The following PDE11A variants were observed in gnomAD, a reference collection of about 807,000 sequenced individuals.
The protein encoded by PDE11A is dual 3',5'-cyclic-AMP and -GMP phosphodiesterase 11A.
Under a neutral mutation model 100.5 loss-of-function variants are expected in PDE11A, and 100 were observed. The observed-to-expected ratio is 1.00, with a 90% CI of 0.85 to 1.18. The LOEUF (loss-of-function observed/expected upper bound fraction) is 1.18. PDE11A is among the 50% of genes most tolerant of loss of function. PDE11A has a pLI of 0.00. For missense variants in PDE11A, 1,141 were observed against 1,152.6 expected, an observed-to-expected ratio of 0.99 and a Z score of 0.15; for synonymous variants, 381 against 420.8, an observed-to-expected ratio of 0.91 and a Z score of 1.16.
intron 5 of PDE11A, among the ~76,000 whole-genome samples, chr2:177,857,555 A>C (rs1328693010): frequency 6.6e-6 from 1 of 152,072 alleles, no homozygotes; most frequent in African/African-American, 2.4e-5. Flanking sequence ...GTAGGGAACA[A>C]AGCTATATGG....
intron 9 of PDE11A, among the ~76,000 whole-genome samples, chr2:177,803,293 T>TA (rs1478271740): frequency 2.7e-5 from 4 of 150,392 alleles, no homozygotes; most frequent in African/African-American, 4.9e-5. Flanking sequence ...ATGTCACTTA[T>TA]AAAAAAAATC....
At chr2:177,777,650 T>A (rs2082396663) in intron 9 of PDE11A, among the ~76,000 whole-genome samples, 1 of 152,216 alleles carries the variant, frequency 6.6e-6, no homozygotes, top group African/African-American at 2.4e-5. Context: ...AAAAATGCTT[T>A]AATTGAATGC....
intron 2 of PDE11A, among the ~76,000 whole-genome samples, chr2:177,932,257 T>C (rs1164184831): frequency 6.6e-6 from 1 of 152,186 alleles, no homozygotes; most frequent in African/African-American, 2.4e-5. Flanking sequence ...AATTCTACTA[T>C]AATTAGTCTA....
chr2:177,806,598 A>G (rs1161559203), intron 9 of PDE11A, among the ~76,000 whole-genome samples: 1 of 152,204 alleles, frequency 6.6e-6, no homozygotes, highest in Admixed American at 6.5e-5. Flanking sequence ...TCTATACAAC[A>G]TGTTTGATAT....
intron 2 of PDE11A, among the ~76,000 whole-genome samples, chr2:178,006,832 G>A (rs903446314): frequency 2.0e-5 from 3 of 150,530 alleles, no homozygotes; most frequent in East Asian, 1.9e-4. Flanking sequence ...AAGGGGGGGG[G>A]GGGAAGCCAA....
intron 6 of PDE11A, 58 bp downstream of exon 6, chr2:177,840,193 T>C (rs976395938): frequency 1.3e-6 from 2 of 1,568,350 alleles, no homozygotes; most frequent in Non-Finnish European, 1.8e-6. Flanking sequence ...GTGTTTCAAC[T>C]GTTTTCAACA....
intron 2 of PDE11A, among the ~76,000 whole-genome samples, chr2:178,081,797 T>G (rs573012339): frequency 1.3e-5 from 2 of 152,376 alleles, no homozygotes; most frequent in South Asian, 4.1e-4. Context: ...AGTAATTTTT[T>G]TAAAAATTAT....
intron 12 of PDE11A, among the ~76,000 whole-genome samples, chr2:177,715,854 C>A (rs2081429662): frequency 6.6e-6 from 1 of 152,240 alleles, no homozygotes; most frequent in Non-Finnish European, 1.5e-5. Context: ...CTTTGGTGGT[C>A]TTTTCATTCT....
intron 2 of PDE11A, among the ~76,000 whole-genome samples, chr2:177,963,695 A>G (rs2085663435): frequency 2.6e-5 from 4 of 152,180 alleles, no homozygotes; most frequent in Admixed American, 2.6e-4. Flanking sequence ...GATATCTGAA[A>G]ATAGCTTTTA....
intron 6 of PDE11A, among the ~76,000 whole-genome samples, chr2:177,830,653 GTGT>G (rs1179742323): frequency 1.4e-4 from 20 of 146,692 alleles, no homozygotes; most frequent in African/African-American, 5.1e-4. Context: ...TAATAATCAG[GTGT>G]TGTTTTAAGT....
intron 2 of PDE11A, among the ~76,000 whole-genome samples, chr2:177,967,925 A>G (rs1014840029): frequency 6.6e-6 from 1 of 152,246 alleles, no homozygotes; most frequent in Admixed American, 6.5e-5. Context: ...AATTGAATAA[A>G]TGAATGAATA....
rs935055558 is a variant in PDE11A at position 177,924,657 on chromosome 2, C to G, written c.1072-19470G>C. ...AAGAAATAATTCTTGAGTTGACATA[C>G]ACACATACACACAAATATATATCTT... On this transcript the variant is annotated intron_variant, in intron 2 of 19. Transcript: ENST00000286063. Among the ~76,000 whole-genome samples, 4 of 152,050 alleles carry G rather than the reference C, an allele frequency of 2.6e-5. No homozygotes were observed. In the South Asian group the frequency reaches 6.2e-4, roughly 24 times the overall value.
At position 177,651,941 on chromosome 2, in the gene PDE11A, C is replaced by T. The variant is rs78231726; in HGVS notation, c.2646+11925G>A. Among the ~76,000 whole-genome samples, 741 of 152,292 alleles carry T rather than the reference C, an allele frequency of 4.9e-3. 5 individuals are homozygous for T. The highest frequency in any genetic ancestry group is 0.029 in the East Asian group (152 of 5,180). On this transcript the variant is annotated intron_variant, in intron 19 of 19. Transcript: ENST00000286063. ...TGAAATAAAGGCAGGAATGTTAACACCGCCACAGGGCAATTCAAGAGTGAT... is the reference window on the plus strand; with the variant it reads ...TGAAATAAAGGCAGGAATGTTAACATCGCCACAGGGCAATTCAAGAGTGAT...
intron 5 of PDE11A, among the ~76,000 whole-genome samples, chr2:177,850,903 T>G (rs943274566): frequency 1.3e-5 from 2 of 152,134 alleles, no homozygotes; most frequent in Admixed American, 1.3e-4. Flanking sequence ...CTGGAAAGGA[T>G]GTGGAGAAAT....
chr2:178,093,954 C>T (rs1399802204), intron 2 of PDE11A, among the ~76,000 whole-genome samples: 5 of 147,760 alleles, frequency 3.4e-5, no homozygotes, highest in African/African-American at 5.0e-5. Context: ...AATAACAGCC[C>T]CACCAAAACA....
At chr2:177,720,490 C>T (rs2081510682) in intron 12 of PDE11A, among the ~76,000 whole-genome samples, 1 of 152,218 alleles carries the variant, frequency 6.6e-6, no homozygotes, top group Admixed American at 6.5e-5. Context: ...GTCATACTCC[C>T]TCGGCATTTA....
chr2:177,934,217 AC>A (rs1574289652), intron 2 of PDE11A, among the ~76,000 whole-genome samples: 1 of 152,206 alleles, frequency 6.6e-6, no homozygotes, highest in Non-Finnish European at 1.5e-5. Context: ...AATGGAAAAA[AC>A]ATTTGCAAAC....
intron 1 of PDE11A, among the ~76,000 whole-genome samples, chr2:178,019,664 G>A (rs1235457943): frequency 6.6e-6 from 1 of 152,164 alleles, no homozygotes; most frequent in Admixed American, 6.5e-5. Flanking sequence ...GTCCAGGTAA[G>A]GTATGAGGAT....
At chr2:177,853,708 G>T (rs796302479) in intron 5 of PDE11A, among the ~76,000 whole-genome samples, 9,786 of 60,938 alleles carry the variant, frequency 0.16, 839 homozygotes, top group Middle Eastern at 0.2. Context: ...GTGTGTGTGT[G>T]TGTGTTTGTG....
Sources: gnomAD v4.1 joint callset for allele counts (sites outside exome capture counted in the v4.1 genomes callset) on GRCh38, gnomAD v4.1.1 for gene constraint, MANE v1.5 for transcripts, NCBI Gene and HGNC (gene_info 2026-07-23, HGNC 2026-07-21) for gene names.